TBX4: variants seen among roughly 807,000 people sequenced by gnomAD.
TBX4 encodes T-box transcription factor TBX4.
In TBX4, 13 loss-of-function variants were observed where a neutral mutation model predicts 54.6. That is an observed-to-expected ratio of 0.24 (90% CI 0.15 to 0.38). The LOEUF (loss-of-function observed/expected upper bound fraction) is 0.38, where lower values mean the gene tolerates loss of function less well. Ranked by LOEUF, TBX4 falls within the 10% of genes least tolerant of loss-of-function variation. The probability of loss-of-function intolerance (pLI) is 1.00; values close to 1 mark genes in which losing one functional copy is unlikely to be tolerated. For missense variants in TBX4, 631 were observed against 728.5 expected (o/e 0.87, Z 1.54); for synonymous variants, 314 against 306.7 (o/e 1.02, Z -0.25).
chr17:61,456,569 G>A lies in TBX4; in HGVS notation c.79G>A (p.Ala27Thr). 1 of 1,542,830 alleles carries A rather than the reference G, an allele frequency of 6.5e-7. No individual in the cohort carries two copies. Residue 27 changes from alanine to threonine, a missense_variant, in exon 2 of 9, where the codon GCC (alanine) becomes ACC (threonine). By Grantham distance (58) the Ala-to-Thr change is moderately conservative. Coordinates refer to ENST00000644296, the MANE Select transcript of TBX4 (RefSeq NM_001321120.2). ...PGPALGEASA[A>T]NAPEPALAAP... ...CCCAGCGCTCGGAGAGGCCAGCGCAGCCAACGCCCCCGAGCCCGCGCTGGC... is the reference window on the plus strand; with the variant it reads ...CCCAGCGCTCGGAGAGGCCAGCGCAACCAACGCCCCCGAGCCCGCGCTGGC...
intron 4 of TBX4, among the ~76,000 whole-genome samples, chr17:61,467,308 A>G (rs1244693170): frequency 6.6e-6 from 1 of 152,280 alleles, no homozygotes; most frequent in East Asian, 1.9e-4. Context: ...AAAATAAAGG[A>G]GATTCAGAAC....
intron 1 of TBX4, chr17:61,452,988 G>A (rs2060424870): frequency 4.1e-6 from 4 of 984,968 alleles, no homozygotes; most frequent in Non-Finnish European, 1.2e-6. Context: ...GTGTAGATAT[G>A]TGAGTGATCA....
chr17:61,468,477 G>T (rs7214641), intron 5 of TBX4, among the ~76,000 whole-genome samples: 46,507 of 152,070 alleles, frequency 0.31, 7,543 homozygotes, highest in African/African-American at 0.41. Context: ...GGCAGTGGAG[G>T]CTTTGAGATG....
Position 61,478,493 on chromosome 17 carries a change from C to T in TBX4, c.550-134C>T, listed in dbSNP as rs1006648701. On this transcript the variant is annotated intron_variant, in intron 5 of 8. Coordinates refer to ENST00000644296, the MANE Select transcript of TBX4 (RefSeq NM_001321120.2). The surrounding 1 kb of genome is among the most constrained non-coding windows in gnomAD (Gnocchi z 7.4). ...TGGTTCTTCACTTGGGAGCTCCAGT[C>T]CTGGTCGGTAGGCCCCGGATCCTGG... 2.0e-5 allele frequency: 25 copies of T among 1,245,210 alleles called. No homozygotes were observed. The highest frequency in any genetic ancestry group is 2.7e-5 in the Non-Finnish European group (23 of 866,738). The allele number at this position is 1,245,210 out of a possible 1,614,324, so 77.1% of individuals were successfully genotyped here.
intron 1 of TBX4, among the ~76,000 whole-genome samples, chr17:61,454,489 C>T (rs1294557692): frequency 6.6e-6 from 1 of 152,220 alleles, no homozygotes. Flanking sequence ...CGCCCAAGCT[C>T]GAGGTCCGAG....
chr17:61,474,135 A>T lies in TBX4; in HGVS notation c.550-4492A>T, dbSNP rs1415424918. Among the ~76,000 whole-genome samples, 2 of 152,224 alleles carry T rather than the reference A, an allele frequency of 1.3e-5. No homozygotes were observed. Among genetic ancestry groups the T allele is most frequent in the Non-Finnish European group, 2.9e-5 (2 of 68,040 alleles). On this transcript the variant is annotated intron_variant, in intron 5 of 8. Transcript: ENST00000644296. The surrounding 1 kb of genome is among the most constrained non-coding windows in gnomAD (Gnocchi z 4.6). ...TGTAGGGCTGGGGAGGATCAGAAGG[A>T]TGATGGAGAAGGTAGTCACAGAAAA...
In TBX4 at chr17:61,482,792, G is replaced by A. The variant is rs991362104; in HGVS notation, c.1022-105G>A. 34 of 1,524,992 alleles carry A rather than the reference G, an allele frequency of 2.2e-5. No individual in the cohort carries two copies. In the South Asian group the frequency reaches 3.9e-4, roughly 17 times the overall value. The allele number at this position is 1,524,992 out of a possible 1,614,324, so 94.5% of individuals were successfully genotyped here. ...GGGAGTGCCATGGCAACATGGGGAG[G>A]GCGGGCGCAGAGGGACAAGGACAGG... On this transcript the variant is annotated intron_variant, in intron 8 of 8. Coordinates refer to ENST00000644296, the MANE Select transcript of TBX4 (RefSeq NM_001321120.2).
Position 61,457,452 on chromosome 17 carries a change from TC to T in TBX4, c.187-84del. The T allele has an allele frequency of 7.5e-7, 1 of 1,324,914 alleles. No homozygotes were observed. The highest frequency in any genetic ancestry group is 1.1e-6 in the Non-Finnish European group (1 of 917,982). 82.1% of individuals were successfully genotyped at this position (1,324,914 alleles called of 1,614,324 possible). ...CCGGGCGGGCAGGGTTCCGCACAGC[TC>T]TTCGGGTCTGGTTCTTCTTTCCTCA... is the stretch of plus-strand genomic sequence containing the variant. On this transcript the variant is annotated intron_variant, in intron 2 of 8. Coordinates refer to ENST00000644296, the MANE Select transcript of TBX4 (RefSeq NM_001321120.2). The surrounding 1 kb of genome is among the most constrained non-coding windows in gnomAD (Gnocchi z 8.2).
rs914428817 is a variant in TBX4, at chr17:61,457,420, AT to A, written c.187-116del. ...GTTCTGTGAAACGAAATCTGGAGCC[AT>A]GGGCTCCGGGCGGGCAGGGTTCCGC... On this transcript the variant is annotated intron_variant, in intron 2 of 8. Coordinates refer to ENST00000644296, the MANE Select transcript of TBX4 (RefSeq NM_001321120.2). This position sits in a 1 kb window ranked among gnomAD's most constrained non-coding sequence, Gnocchi z 8.2. 43 of 866,456 alleles carry A rather than the reference AT, an allele frequency of 5.0e-5. No individual in the cohort carries two copies. In the African/African-American group the frequency reaches 6.7e-4, roughly 14 times the overall value. 53.7% of individuals were successfully genotyped at this position (866,456 alleles called of 1,614,324 possible). A position where few individuals can be genotyped will look rare whatever the true frequency, so the allele number is the denominator to read the frequency against.
chr17:61,478,926 C>T lies in TBX4; in HGVS notation c.702+147C>T, dbSNP rs3785826. The T allele has an allele frequency of 0.066, 81,600 of 1,236,732 alleles. 3,076 individuals are homozygous for T. The highest frequency in any genetic ancestry group is 0.12 in the African/African-American group (7,944 of 66,656). 76.6% of individuals were successfully genotyped at this position (1,236,732 alleles called of 1,614,324 possible). On this transcript the variant is annotated intron_variant, in intron 6 of 8. Coordinates refer to ENST00000644296, the MANE Select transcript of TBX4 (RefSeq NM_001321120.2). This position sits in a 1 kb window ranked among gnomAD's most constrained non-coding sequence, Gnocchi z 7.4. ...GGGACCTCAGAAGCCTAGAGTCCCT[C>T]GGAGCCGCGAGCAAATCGAATGATG...
At position 61,484,945 on chromosome 17, in the gene TBX4, A is replaced by ATATATAT. The variant is rs2060693108; in HGVS notation, c.*1429_*1430insTATATAT. 7 of 140,618 alleles carry ATATATAT rather than the reference A, an allele frequency of 5.0e-5. No individual in the cohort carries two copies. The highest frequency in any genetic ancestry group is 1.4e-4 in the Admixed American group (2 of 14,066). The allele number at this position is 140,618 out of a possible 1,614,324, so 8.7% of individuals were successfully genotyped here. The stretch of plus-strand genomic sequence containing the variant: ...ATGGTTTAGATAAAACATATAAATA[A>ATATATAT]ATATATATATATATATATATATATA... On this transcript the variant is annotated 3_prime_UTR_variant, in exon 9 of 9. Transcript: ENST00000644296. This position sits in a 1 kb window ranked among gnomAD's most constrained non-coding sequence, Gnocchi z 4.1.
intron 1 of TBX4, among the ~76,000 whole-genome samples, chr17:61,455,652 G>T (rs2060442632): frequency 6.6e-6 from 1 of 152,236 alleles, no homozygotes; most frequent in Non-Finnish European, 1.5e-5. Context: ...CACTGGGAAG[G>T]GTGTGGGTCT....
rs2143858528 is a variant in TBX4, at chr17:61,479,174, C to T, written c.702+395C>T. Reference sequence around the variant, plus strand: ...GAATGGGGATAGGAGCCCTGGGGTGCTGTCAGCTGGGGTGTGGAAGCAGAG... The same window carrying T: ...GAATGGGGATAGGAGCCCTGGGGTGTTGTCAGCTGGGGTGTGGAAGCAGAG... On this transcript the variant is annotated intron_variant, in intron 6 of 8. Transcript: ENST00000644296. This position sits in a 1 kb window ranked among gnomAD's most constrained non-coding sequence, Gnocchi z 6.1. 6.6e-6 allele frequency among the ~76,000 whole-genome samples: 1 copy of T among 152,234 alleles called. No individual in the cohort carries two copies. Among genetic ancestry groups the T allele is most frequent in the South Asian group, 2.1e-4 (1 of 4,812 alleles).
chr17:61,465,659 G>C lies in TBX4; in HGVS notation c.282-160G>C, dbSNP rs1388174202. Reference sequence around the variant, plus strand: ...CTTTTCACTGTGCAGCTCGGGCAGAGGGGGAAGTGAGTTGTGCAGGTCACA... The same window carrying C: ...CTTTTCACTGTGCAGCTCGGGCAGACGGGGAAGTGAGTTGTGCAGGTCACA... On this transcript the variant is annotated intron_variant, in intron 3 of 8. Coordinates refer to ENST00000644296, the MANE Select transcript of TBX4 (RefSeq NM_001321120.2). The surrounding 1 kb of genome is among the most constrained non-coding windows in gnomAD (Gnocchi z 4.9). 1 of 901,660 alleles carries C rather than the reference G, an allele frequency of 1.1e-6. No homozygotes were observed. The allele number at this position is 901,660 out of a possible 1,614,324, so 55.9% of individuals were successfully genotyped here. A position where few individuals can be genotyped will look rare whatever the true frequency, so the allele number is the denominator to read the frequency against.
chr17:61,453,728 G>A (rs890981849), intron 1 of TBX4, among the ~76,000 whole-genome samples: 12 of 152,170 alleles, frequency 7.9e-5, no homozygotes, highest in African/African-American at 2.4e-4. Context: ...TAATGACAAA[G>A]TAACAAGATA....
Position 61,484,490 on chromosome 17 carries a change from G to GA in TBX4, c.*978dup, listed in dbSNP as rs2060689028. On this transcript the variant is annotated 3_prime_UTR_variant, in exon 9 of 9. Transcript: ENST00000644296. The surrounding 1 kb of genome is among the most constrained non-coding windows in gnomAD (Gnocchi z 4.1). ...ATCTCCAGGGCCTGTTCTGCTCTCA[G>GA]AAAATCTACGCTTCTGGAGCGAGAA... 6.6e-6 allele frequency: 1 copy of GA among 152,284 alleles called. No homozygotes were observed. The highest frequency in any genetic ancestry group is 2.4e-5 in the African/African-American group (1 of 41,546). The allele number at this position is 152,284 out of a possible 1,614,324, so 9.4% of individuals were successfully genotyped here.
rs1285475874 is a variant in TBX4 at position 61,474,464 on chromosome 17, T to C, written c.550-4163T>C. Among the ~76,000 whole-genome samples, 1 of 152,234 alleles carries C rather than the reference T, an allele frequency of 6.6e-6. No individual in the cohort carries two copies. Among genetic ancestry groups the C allele is most frequent in the Non-Finnish European group, 1.5e-5 (1 of 68,044 alleles). On this transcript the variant is annotated intron_variant, in intron 5 of 8. Coordinates refer to ENST00000644296, the MANE Select transcript of TBX4 (RefSeq NM_001321120.2). This position sits in a 1 kb window ranked among gnomAD's most constrained non-coding sequence, Gnocchi z 4.6. ...TTCCTCATCTGTAAAATTAGAGAGCTGGACACGAATGATCTCAATGGCCTG... is the reference window on the plus strand; with the variant it reads ...TTCCTCATCTGTAAAATTAGAGAGCCGGACACGAATGATCTCAATGGCCTG...
chr17:61,477,619 G>A (rs1199237922), intron 5 of TBX4, among the ~76,000 whole-genome samples: 3 of 152,196 alleles, frequency 2.0e-5, no homozygotes, highest in Non-Finnish European at 2.9e-5. Context: ...CCAGCACACC[G>A]TCAGCAGGCC....
rs10853033 is a variant in TBX4 at position 61,464,301 on chromosome 17, G to A, written c.282-1518G>A. ...GGGCACAGGCGGGGCTGGGTGGGGC[G>A]TGGGCTGGCAAGGAAGTGAACCCTC... is the stretch of plus-strand genomic sequence containing the variant. On this transcript the variant is annotated intron_variant, in intron 3 of 8. Coordinates refer to ENST00000644296, the MANE Select transcript of TBX4 (RefSeq NM_001321120.2). This position sits in a 1 kb window ranked among gnomAD's most constrained non-coding sequence, Gnocchi z 5.8. 40,037 of 152,190 alleles carry A rather than the reference G, an allele frequency of 0.26. 5,426 individuals are homozygous for A. The highest frequency in any genetic ancestry group is 0.32 in the Middle Eastern group (95 of 294). 9.4% of individuals were successfully genotyped at this position (152,190 alleles called of 1,614,324 possible).
Sources: allele counts gnomAD v4.1 joint callset (sites outside exome capture counted in the v4.1 genomes callset), GRCh38; gene constraint gnomAD v4.1.1; non-coding constraint Gnocchi (gnomAD v3.1); transcripts MANE v1.5; gene names NCBI Gene and HGNC (gene_info 2026-07-23, HGNC 2026-07-21).